ADGRG3: variants seen among roughly 807,000 people sequenced by gnomAD.
ADGRG3 encodes the protein G protein-coupled receptor 97.
Under a neutral mutation model 54.3 loss-of-function variants are expected in ADGRG3, and 39 were observed. The ratio of observed to expected loss-of-function variants is 0.72; its 90% confidence interval spans 0.56 to 0.94. ADGRG3 has a LOEUF of 0.94. Among genes scored for constraint, ADGRG3 ranks in the 40% least tolerant of loss-of-function variants. The pLI, the probability that ADGRG3 is intolerant of heterozygous loss-of-function variation, is 0.00. For missense variants in ADGRG3, 654 were observed against 694.6 expected (o/e 0.94, Z 0.66); for synonymous variants, 312 against 290.0 (o/e 1.08, Z -0.77).
chr16:57,685,688 C>G lies in ADGRG3; in HGVS notation c.1302C>G (p.Thr434=), dbSNP rs556329584. ...CAACCATGTACGCCCTCTATATCAC[C>G]GTCCACGGCTACTTCCTCATCACCT... ...EGTTMYALYI[T]VHGYFLITFL... The change falls in exon 11 of 12, where the codon ACC becomes ACG. Residue 434 remains threonine, a synonymous_variant. Transcript: ENST00000333493. The G allele has an allele frequency of 1.2e-6, 2 of 1,614,212 alleles. No individual in the cohort carries two copies. Among genetic ancestry groups the G allele is most frequent in the South Asian group, 1.1e-5 (1 of 91,088 alleles).
At chr16:57,685,076 G>A (rs1197760384) in intron 10 of ADGRG3, among the ~76,000 whole-genome samples, 1 of 152,230 alleles carries the variant, frequency 6.6e-6, no homozygotes, top group Non-Finnish European at 1.5e-5. Context: ...CAGTGGAGCT[G>A]AGTTCAGTTT....
At position 57,679,865 on chromosome 16, in the gene ADGRG3, G is replaced by A. The variant is rs775564242; in HGVS notation, c.667+10G>A. On this transcript the variant is annotated intron_variant, in intron 6 of 11. Coordinates refer to ENST00000333493, the MANE Select transcript of ADGRG3 (RefSeq NM_170776.5). ...TGGGATGTGACTAAAGGTAGGGCCCGGAGGACCTTCTCTGGGGTAAGACAG... is the reference window on the plus strand; with the variant it reads ...TGGGATGTGACTAAAGGTAGGGCCCAGAGGACCTTCTCTGGGGTAAGACAG... 9 of 1,606,562 alleles carry A rather than the reference G, an allele frequency of 5.6e-6. No individual in the cohort carries two copies. The highest frequency in any genetic ancestry group is 2.7e-5 in the African/African-American group (2 of 74,682).
intron 11 of ADGRG3, 124 bp downstream of exon 11, chr16:57,686,050 T>C: frequency 1.0e-6 from 1 of 1,004,716 alleles, no homozygotes; most frequent in East Asian, 2.4e-5. Context: ...GTCAAGGATG[T>C]TGATTTCAAA....
chr16:57,667,597 C>G (rs762536758), upstream of ADGRG3, among the ~76,000 whole-genome samples: 51 of 152,248 alleles, frequency 3.3e-4, no homozygotes, highest in Non-Finnish European at 6.5e-4. Context: ...GGGTGACAGA[C>G]AGTGCATGCA....
rs1230410502 is a variant in ADGRG3, at chr16:57,679,837, T to C, written c.649T>C (p.Phe217Leu). ...TCAGAACATGACCCTCACCTGTGTA[T>C]TCTGGGATGTGACTAAAGGTAGGGC... Reference protein sequence around the residue: ...PPPNMTLTCVFWDVTKGTTGD... With the variant: ...PPPNMTLTCVLWDVTKGTTGD... Residue 217 changes from phenylalanine to leucine, a missense_variant, in exon 6 of 12, where the codon TTC becomes CTC. Coordinates refer to ENST00000333493, the MANE Select transcript of ADGRG3 (RefSeq NM_170776.5). The C allele has an allele frequency of 6.2e-7, 1 of 1,612,416 alleles. No homozygotes were observed. The highest frequency in any genetic ancestry group is 8.5e-7 in the Non-Finnish European group (1 of 1,178,844).
intron 3 of ADGRG3, among the ~76,000 whole-genome samples, chr16:57,677,718 T>G (rs2048288957): frequency 6.6e-6 from 1 of 152,264 alleles, no homozygotes; most frequent in East Asian, 1.9e-4. Context: ...GTCCTCCCTC[T>G]CTGCCCTTGT....
chr16:57,686,924 G>A (rs1363718123), intron 11 of ADGRG3: 3 of 152,282 alleles, frequency 2.0e-5, no homozygotes, highest in African/African-American at 7.2e-5. Context: ...ATGTGCTATG[G>A]TTTATATGTG....
At chr16:57,667,795 T>C (rs2048083094), upstream of ADGRG3, among the ~76,000 whole-genome samples, 1 of 152,158 alleles carries the variant, frequency 6.6e-6, no homozygotes, top group Non-Finnish European at 1.5e-5. Context: ...GTTCAAGCCA[T>C]AGGCACCATC....
chr16:57,676,341 G>A lies in ADGRG3; in HGVS notation c.345+3G>A. 6.2e-7 allele frequency: 1 copy of A among 1,613,728 alleles called. No individual in the cohort carries two copies. The highest frequency in any genetic ancestry group is 8.5e-7 in the Non-Finnish European group (1 of 1,179,660). ...ATTTCTCTCTGGAGCCCTCTCAGGT[G>A]AAGAGCTCCCCAGCCCTCTTGGCTG... On this transcript the variant is annotated splice_donor_region_variant and intron_variant, in intron 3 of 11. Coordinates refer to ENST00000333493, the MANE Select transcript of ADGRG3 (RefSeq NM_170776.5).
At chr16:57,681,533 C>T (rs1243222065) in intron 8 of ADGRG3, among the ~76,000 whole-genome samples, 1 of 151,978 alleles carries the variant, frequency 6.6e-6, no homozygotes, top group Non-Finnish European at 1.5e-5. Context: ...CCAGTCTGGC[C>T]AACATGGTGA....
At position 57,673,129 on chromosome 16, in the gene ADGRG3, G is replaced by T. The variant is rs551244851; in HGVS notation, c.59-192G>T. 2.6e-5 allele frequency among the ~76,000 whole-genome samples: 4 copies of T among 152,272 alleles called. No homozygotes were observed. The South Asian group carries it at 8.3e-4, about 32-fold the overall frequency. Reference sequence around the variant, plus strand: ...CATCCTACCAGCCCTGGGAGATGGGGTATTTGCTTTTACCTTGGAAACAGC... The same window carrying T: ...CATCCTACCAGCCCTGGGAGATGGGTTATTTGCTTTTACCTTGGAAACAGC... On this transcript the variant is annotated intron_variant, in intron 1 of 11. Transcript: ENST00000333493.
In ADGRG3 at chr16:57,684,484, G is replaced by A. The variant is rs756552164; in HGVS notation, c.1256+1G>A. The A allele has an allele frequency of 2.5e-6, 4 of 1,611,088 alleles. No individual in the cohort carries two copies. The highest frequency in any genetic ancestry group is 1.7e-4 in the Middle Eastern group (1 of 6,056). On this transcript the variant is annotated splice_donor_variant, in intron 10 of 11. Transcript: ENST00000333493. LOFTEE classifies it high-confidence loss of function. Reference sequence around the variant, plus strand: ...GGGAGAACCGCACCTCTCTGGAGCTGTGAGTGGCGGCTGTGGGAGCAGGGG... The same window carrying A: ...GGGAGAACCGCACCTCTCTGGAGCTATGAGTGGCGGCTGTGGGAGCAGGGG...
intron 2 of ADGRG3, 93 bp from the exon 3 acceptor site, chr16:57,676,107 T>C: frequency 8.5e-7 from 1 of 1,174,280 alleles, no homozygotes; most frequent in Non-Finnish European, 1.2e-6. Flanking sequence ...TTTACTTTGA[T>C]AGTTTGGGTC....
At position 57,688,751 on chromosome 16, in the gene ADGRG3, C is replaced by T; in HGVS notation, c.*290C>T. The T allele has an allele frequency of 6.0e-6, 2 of 331,990 alleles. No individual in the cohort carries two copies. 20.6% of individuals were successfully genotyped at this position (331,990 alleles called of 1,614,324 possible). A position where few individuals can be genotyped will look rare whatever the true frequency, so the allele number is the denominator to read the frequency against. On this transcript the variant is annotated 3_prime_UTR_variant, in exon 12 of 12. Coordinates refer to ENST00000333493, the MANE Select transcript of ADGRG3 (RefSeq NM_170776.5). ...CCATGCCCTGCCCTCATTGCAAAGC[C>T]CTCACTCACCTTCTGGTCTCAGCAA... is the stretch of plus-strand genomic sequence containing the variant.
At chr16:57,681,105 A>G (rs1179066349) in intron 8 of ADGRG3, 1 of 161,618 alleles carries the variant, frequency 6.2e-6, no homozygotes, top group Non-Finnish European at 1.4e-5. Context: ...CCTCTTTCCA[A>G]GTATTCTAAG....
At chr16:57,678,146 G>C (rs1222570125) in intron 3 of ADGRG3, 24 bp from the exon 4 acceptor site, 2 of 1,612,606 alleles carry the variant, frequency 1.2e-6, no homozygotes, top group Admixed American at 1.7e-5. Context: ...GTACAGATGG[G>C]AGCTGCTGTG....
At chr16:57,676,491 C>CT (rs1567854570) in intron 3 of ADGRG3, among the ~76,000 whole-genome samples, 153 bp downstream of exon 3, 2 of 152,314 alleles carry the variant, frequency 1.3e-5, no homozygotes, top group South Asian at 4.1e-4. Context: ...AAAATGAGCT[C>CT]TAAGATTCCT....
intron 11 of ADGRG3, among the ~76,000 whole-genome samples, chr16:57,687,098 C>G (rs765582117): frequency 7.2e-5 from 11 of 152,206 alleles, no homozygotes; most frequent in Non-Finnish European, 1.3e-4. Context: ...AGGACTGGCT[C>G]CCAGCGCCCC....
intron 4 of ADGRG3, 95 bp from the exon 5 acceptor site, chr16:57,679,082 G>A: frequency 6.9e-7 from 1 of 1,457,962 alleles, no homozygotes; most frequent in Non-Finnish European, 9.4e-7. Flanking sequence ...TCCAAGCAAA[G>A]GCCATGGGTT....
Sources: gnomAD v4.1 joint callset for allele counts (sites outside exome capture counted in the v4.1 genomes callset) on GRCh38, gnomAD v4.1.1 for gene constraint, MANE v1.5 for transcripts, NCBI Gene and HGNC (gene_info 2026-07-23, HGNC 2026-07-21) for gene names.